The following HSF2 variants were observed in gnomAD, a reference collection of about 807,000 sequenced individuals.
The protein encoded by HSF2 is heat shock transcription factor 2, also known as heat shock factor protein 2.
A neutral mutation model predicts 65.0 loss-of-function variants in HSF2; 21 were observed. The observed-to-expected ratio is 0.32, with a 90% CI of 0.23 to 0.47. The LOEUF (loss-of-function observed/expected upper bound fraction) is 0.47. Among genes scored for constraint, HSF2 ranks in the 20% least tolerant of loss-of-function variants. The probability of loss-of-function intolerance (pLI) is 1.00; values close to 1 mark genes in which losing one functional copy is unlikely to be tolerated. For missense variants in HSF2, 499 were observed against 628.1 expected (o/e 0.79, Z 2.20); for synonymous variants, 225 against 219.1 (o/e 1.03, Z -0.24).
At chr6:122,425,120 G>A (rs1774312496) in intron 10 of HSF2, among the ~76,000 whole-genome samples, 1 of 151,944 alleles carries the variant, frequency 6.6e-6, no homozygotes, top group Admixed American at 6.6e-5. Context: ...TCAGTAGTTA[G>A]AGATCTGCTC....
intron 3 of HSF2, among the ~76,000 whole-genome samples, 185 bp downstream of exon 3, chr6:122,412,949 T>C (rs1026984409): frequency 2.0e-5 from 3 of 151,616 alleles, no homozygotes; most frequent in Non-Finnish European, 4.4e-5. Flanking sequence ...AAAAAAAAAG[T>C]TTAAGTTCCT....
upstream of HSF2, chr6:122,399,622 A>C: frequency 1.2e-6 from 1 of 803,088 alleles, no homozygotes; most frequent in Non-Finnish European, 2.0e-6. Context: ...GGGGGCGGGG[A>C]CCAAGATCTG....
chr6:122,429,783 T>A (rs896989220), intron 11 of HSF2, among the ~76,000 whole-genome samples: 1 of 152,182 alleles, frequency 6.6e-6, no homozygotes, highest in Non-Finnish European at 1.5e-5. Flanking sequence ...TTTTTGTCAT[T>A]GGTTCTGTTT....
At position 122,427,100 on chromosome 6, in the gene HSF2, C is replaced by G. The variant is rs777843168; in HGVS notation, c.1177-803C>G. Reference sequence around the variant, plus strand: ...TTTCTGTGTGCGCTTTCCTCCCTTCCCATTGTCTTAACTCCTTAGTGCTTT... The same window carrying G: ...TTTCTGTGTGCGCTTTCCTCCCTTCGCATTGTCTTAACTCCTTAGTGCTTT... On this transcript the variant is annotated intron_variant, in intron 10 of 12. Coordinates refer to ENST00000368455, the MANE Select transcript of HSF2 (RefSeq NM_004506.4). Among the ~76,000 whole-genome samples the G allele has an allele frequency of 5.7e-4, 87 of 152,004 alleles. 1 individual carries two copies. The highest frequency in any genetic ancestry group is 1.1e-3 in the Admixed American group (16 of 15,226).
At chr6:122,413,157 A>G (rs1774038754) in intron 3 of HSF2, among the ~76,000 whole-genome samples, 1 of 152,036 alleles carries the variant, frequency 6.6e-6, no homozygotes, top group South Asian at 2.1e-4. Context: ...GGGGTGGACC[A>G]TGAAAGAAAA....
At chr6:122,423,239 A>C (rs1029945068) in intron 9 of HSF2, among the ~76,000 whole-genome samples, 11 of 152,184 alleles carry the variant, frequency 7.2e-5, no homozygotes, top group African/African-American at 2.7e-4. Context: ...AAACTACAGA[A>C]TAATGTAATT....
At position 122,412,699 on chromosome 6, in the gene HSF2, G is replaced by A. The variant is rs780785382; in HGVS notation, c.265G>A (p.Val89Ile). 2.5e-6 allele frequency: 4 copies of A among 1,612,584 alleles called. No individual in the cohort carries two copies. In the South Asian group the frequency reaches 4.4e-5, roughly 18 times the overall value. The part of the protein sequence containing the change: ...GIVKQERDGP[V>I]EFQHPYFKQG... Reference sequence around the variant, plus strand: ...TGTAAAGCAAGAAAGAGATGGTCCTGTAGAATTTCAGCATCCTTACTTCAA... The same window carrying A: ...TGTAAAGCAAGAAAGAGATGGTCCTATAGAATTTCAGCATCCTTACTTCAA... Residue 89 changes from valine to isoleucine, a missense_variant, in exon 3 of 13, where the codon GTA becomes ATA. By Grantham distance (29) the Val-to-Ile change is conservative. Transcript: ENST00000368455.
At chr6:122,407,406 C>T (rs750739593) in intron 1 of HSF2, among the ~76,000 whole-genome samples, 1 of 152,126 alleles carries the variant, frequency 6.6e-6, no homozygotes, top group Non-Finnish European at 1.5e-5. Flanking sequence ...TTCTGTTAAT[C>T]TGCCTCTTCA....
intron 1 of HSF2, among the ~76,000 whole-genome samples, chr6:122,406,917 C>G (rs969207931): frequency 6.6e-6 from 1 of 152,146 alleles, no homozygotes; most frequent in South Asian, 2.1e-4. Flanking sequence ...GCTTGACTGA[C>G]TTCCACACTC....
intron 1 of HSF2, among the ~76,000 whole-genome samples, chr6:122,408,941 G>A (rs919717919): frequency 2.6e-5 from 4 of 151,342 alleles, no homozygotes; most frequent in African/African-American, 7.3e-5. Context: ...ATTGACTTCC[G>A]GGGAAACAGG....
chr6:122,411,285 C>T (rs993794162), intron 1 of HSF2, among the ~76,000 whole-genome samples: 5 of 151,658 alleles, frequency 3.3e-5, no homozygotes, highest in Middle Eastern at 3.4e-3. Flanking sequence ...CATCCTTGCT[C>T]GTTTTTTATC....
chr6:122,407,885 G>C (rs9375133), intron 1 of HSF2, among the ~76,000 whole-genome samples: 21,516 of 152,148 alleles, frequency 0.14, 1,623 homozygotes, highest in East Asian at 0.25. Context: ...GATGAAGGCA[G>C]TGGCCATTTC....
intron 1 of HSF2, among the ~76,000 whole-genome samples, chr6:122,408,966 C>T (rs1034196314): frequency 1.1e-4 from 17 of 150,948 alleles, no homozygotes; most frequent in African/African-American, 4.1e-4. Context: ...GGGTTTAGAA[C>T]ATACTGAGTT....
intron 7 of HSF2, 135 bp downstream of exon 7, chr6:122,420,357 C>A: frequency 1.7e-6 from 1 of 596,912 alleles, no homozygotes; most frequent in Non-Finnish European, 2.7e-6. Flanking sequence ...TAAATTGTGA[C>A]ATTTTTTATT....
At chr6:122,409,587 G>A (rs1773944545) in intron 1 of HSF2, among the ~76,000 whole-genome samples, 1 of 151,994 alleles carries the variant, frequency 6.6e-6, no homozygotes, top group Non-Finnish European at 1.5e-5. Context: ...TTACCTAGTT[G>A]CCAATACTGG....
intron 4 of HSF2, among the ~76,000 whole-genome samples, chr6:122,415,609 T>C (rs1774107393): frequency 6.6e-6 from 1 of 152,102 alleles, no homozygotes; most frequent in Admixed American, 6.6e-5. Flanking sequence ...CAAAAAATAA[T>C]GAGCCAGATT....
intron 1 of HSF2, 148 bp from the exon 2 acceptor site, chr6:122,412,225 T>C (rs564347064): frequency 4.2e-5 from 23 of 549,168 alleles, no homozygotes; most frequent in East Asian, 2.3e-4. Flanking sequence ...TTTTGTTTCT[T>C]GTTCCTGTTG....
intron 1 of HSF2, among the ~76,000 whole-genome samples, chr6:122,400,334 A>G (rs969628780): frequency 3.8e-4 from 58 of 152,312 alleles, no homozygotes; most frequent in African/African-American, 1.2e-3. Flanking sequence ...TGCATCTGGC[A>G]TCTTTATGTG....
At chr6:122,428,079 G>A in intron 11 of HSF2, 123 bp downstream of exon 11, 1 of 528,480 alleles carries the variant, frequency 1.9e-6, no homozygotes, top group Non-Finnish European at 3.3e-6. Flanking sequence ...CCCAGTATGT[G>A]TGATCAAGAT....
Sources: gnomAD v4.1 joint callset for allele counts (sites outside exome capture counted in the v4.1 genomes callset) on GRCh38, gnomAD v4.1.1 for gene constraint, MANE v1.5 for transcripts, NCBI Gene and HGNC (gene_info 2026-07-23, HGNC 2026-07-21) for gene names.